The following SLC24A3 variants were observed in gnomAD, a reference collection of about 807,000 sequenced individuals.
SLC24A3 encodes the protein sodium/potassium/calcium exchanger 3.
In SLC24A3, 28 loss-of-function variants were observed where a neutral mutation model predicts 75.8. The ratio of observed to expected loss-of-function variants is 0.37; its 90% CI spans 0.27 to 0.51. The LOEUF is 0.51. Ranked by LOEUF, SLC24A3 falls within the 20% of genes least tolerant of loss-of-function variation. SLC24A3 has a pLI of 0.94. For missense variants in SLC24A3, 663 were observed against 847.8 expected (o/e 0.78, Z 2.71); for synonymous variants, 372 against 334.1 (o/e 1.11, Z -1.24).
intron 2 of SLC24A3, among the ~76,000 whole-genome samples, chr20:19,361,612 T>C (rs1985790344): frequency 6.6e-6 from 1 of 152,252 alleles, no homozygotes; most frequent in Non-Finnish European, 1.5e-5. Context: ...TTCAGATTTG[T>C]ACATTTTATT....
chr20:19,221,328 C>T (rs564284601), intron 1 of SLC24A3, among the ~76,000 whole-genome samples: 1 of 152,306 alleles, frequency 6.6e-6, no homozygotes, highest in East Asian at 1.9e-4. Context: ...CTAGACAGGT[C>T]ACTTGTAAAG....
chr20:19,321,997 T>C (rs2122277456), intron 2 of SLC24A3, among the ~76,000 whole-genome samples: 1 of 152,294 alleles, frequency 6.6e-6, no homozygotes, highest in Middle Eastern at 3.4e-3. Flanking sequence ...TACCTCTCTC[T>C]GATTAGATGC....
At chr20:19,559,473 GGTTTC>G (rs1455604062) in intron 3 of SLC24A3, among the ~76,000 whole-genome samples, 1 of 151,986 alleles carries the variant, frequency 6.6e-6, no homozygotes, top group Non-Finnish European at 1.5e-5. Flanking sequence ...AGTTTTGTTT[GGTTTC>G]GTTTGATGTG....
intron 3 of SLC24A3, among the ~76,000 whole-genome samples, chr20:19,553,939 G>A (rs1053128880): frequency 1.3e-5 from 2 of 152,180 alleles, no homozygotes; most frequent in Non-Finnish European, 2.9e-5. Flanking sequence ...AGGGCAGTAG[G>A]CAGAGTTTGT....
At chr20:19,219,821 C>G (rs1375251627) in intron 1 of SLC24A3, among the ~76,000 whole-genome samples, 1 of 152,156 alleles carries the variant, frequency 6.6e-6, no homozygotes, top group Non-Finnish European at 1.5e-5. Context: ...AACATGGGCT[C>G]ACATCAAGGG....
At chr20:19,673,791 G>T in intron 9 of SLC24A3, 137 bp downstream of exon 9, 1 of 694,934 alleles carries the variant, frequency 1.4e-6, no homozygotes, top group Non-Finnish European at 2.5e-6. Flanking sequence ...CTCCCTGCCA[G>T]ACTGTTGTGA....
chr20:19,291,560 C>T (rs1983942249), intron 2 of SLC24A3, among the ~76,000 whole-genome samples: 1 of 152,230 alleles, frequency 6.6e-6, no homozygotes, highest in African/African-American at 2.4e-5. Flanking sequence ...ACGGACGCTT[C>T]TGAGGTTCCT....
intron 3 of SLC24A3, among the ~76,000 whole-genome samples, chr20:19,571,172 CTG>C (rs2031046384): frequency 6.6e-6 from 1 of 152,132 alleles, no homozygotes; most frequent in Non-Finnish European, 1.5e-5. Context: ...AGGTTCCCAC[CTG>C]TGAGGCTGGA....
At chr20:19,288,887 A>G (rs540636593) in intron 2 of SLC24A3, among the ~76,000 whole-genome samples, 6 of 152,338 alleles carry the variant, frequency 3.9e-5, no homozygotes, top group South Asian at 2.1e-4. Flanking sequence ...ATGTGTTTCT[A>G]TGGCAACTTT....
intron 9 of SLC24A3, among the ~76,000 whole-genome samples, chr20:19,679,941 G>A (rs985955254): frequency 4.6e-5 from 7 of 151,470 alleles, no homozygotes; most frequent in Non-Finnish European, 7.4e-5. Context: ...AGTTGCCCAC[G>A]GTTGGAAAGC....
In SLC24A3 at chr20:19,245,752, T is replaced by C. The variant is rs74761786; in HGVS notation, c.142+32768T>C. ...TGCTAATGGTAATTTTAATGGTAAA[T>C]GGTACAGTTTACTGGGAAGATAAAA... is the stretch of plus-strand genomic sequence containing the variant. On this transcript the variant is annotated intron_variant, in intron 1 of 16. Coordinates refer to ENST00000328041, the MANE Select transcript of SLC24A3 (RefSeq NM_020689.4). Among the ~76,000 whole-genome samples the C allele has an allele frequency of 6.1e-3, 924 of 152,232 alleles. 7 individuals are homozygous for C. Among genetic ancestry groups the C allele is most frequent in the African/African-American group, 0.019 (779 of 41,542 alleles).
chr20:19,604,391 C>T (rs6035389), intron 6 of SLC24A3, among the ~76,000 whole-genome samples: 5 of 152,086 alleles, frequency 3.3e-5, no homozygotes, highest in Non-Finnish European at 5.9e-5. Context: ...ACTCCAAAGC[C>T]GTGAGGCAGG....
At chr20:19,313,805 T>G (rs1984516929) in intron 2 of SLC24A3, among the ~76,000 whole-genome samples, 1 of 152,214 alleles carries the variant, frequency 6.6e-6, no homozygotes, top group Non-Finnish European at 1.5e-5. Context: ...AACCTTTTCT[T>G]CTGCCCTTTT....
At chr20:19,237,385 G>T (rs539425562) in intron 1 of SLC24A3, among the ~76,000 whole-genome samples, 1 of 152,250 alleles carries the variant, frequency 6.6e-6, no homozygotes, top group South Asian at 2.1e-4. Context: ...CCATCTGTAA[G>T]TCATCCTGAG....
chr20:19,462,183 C>T (rs1266410298), intron 2 of SLC24A3, among the ~76,000 whole-genome samples: 1 of 152,154 alleles, frequency 6.6e-6, no homozygotes, highest in East Asian at 1.9e-4. Context: ...CTCAGAGCCC[C>T]CTGGAGGGAC....
At position 19,498,956 on chromosome 20, in the gene SLC24A3, A is replaced by G. The variant is rs563796402; in HGVS notation, c.272-16532A>G. Reference sequence around the variant, plus strand: ...CACTATTTGAGAAGTCTCCAAGCTGAGAAGACCACATGGCAAGACCACAGA... The same window carrying G: ...CACTATTTGAGAAGTCTCCAAGCTGGGAAGACCACATGGCAAGACCACAGA... On this transcript the variant is annotated intron_variant, in intron 2 of 16. Transcript: ENST00000328041. Among the ~76,000 whole-genome samples, 19 of 152,298 alleles carry G rather than the reference A, an allele frequency of 1.2e-4. 1 individual carries two copies. In the South Asian group the frequency reaches 3.9e-3, roughly 32 times the overall value.
intron 3 of SLC24A3, among the ~76,000 whole-genome samples, chr20:19,561,956 T>G (rs1002528236): frequency 1.3e-5 from 2 of 152,156 alleles, no homozygotes; most frequent in African/African-American, 4.8e-5. Flanking sequence ...GCAAATTTCT[T>G]CCATTCCTGT....
chr20:19,355,133 C>A (rs1535068), intron 2 of SLC24A3: 64,206 of 152,038 alleles, frequency 0.42, 13,792 homozygotes, highest in Middle Eastern at 0.57. Context: ...GAGTCAGGAA[C>A]CCAGCCGGCT....
intron 2 of SLC24A3, among the ~76,000 whole-genome samples, chr20:19,432,924 CAGTT>C (rs796326545): frequency 1.4e-4 from 22 of 152,228 alleles, no homozygotes; most frequent in African/African-American, 5.1e-4. Context: ...AAGCATGTGA[CAGTT>C]ATTTATATCC....
Sources: gnomAD v4.1 joint callset for allele counts (sites outside exome capture counted in the v4.1 genomes callset) on GRCh38, gnomAD v4.1.1 for gene constraint, MANE v1.5 for transcripts, NCBI Gene and HGNC (gene_info 2026-07-23, HGNC 2026-07-21) for gene names.